The following CSPP1 variants were observed in gnomAD, a reference collection of about 807,000 sequenced individuals.
CSPP1 encodes centrosome and spindle pole associated protein 1, also known as centrosome and spindle pole-associated protein 1.
CSPP1 carries 126 observed loss-of-function variants against 164.4 expected under a neutral mutation model. The observed-to-expected ratio is 0.77, with a 90% confidence interval of 0.66 to 0.89. The LOEUF is 0.89. Among genes scored for constraint, CSPP1 ranks in the 40% least tolerant of loss-of-function variants. The pLI, the probability that CSPP1 is intolerant of heterozygous loss-of-function variation, is 0.00. For synonymous variants in CSPP1, 472 were observed against 476.7 expected, an observed-to-expected ratio of 0.99 and a Z score of 0.13; for missense variants, 1,395 against 1,449.8, an observed-to-expected ratio of 0.96 and a Z score of 0.61.
At chr8:67,174,654 A>G (rs531228075) in intron 25 of CSPP1, 27 of 152,524 alleles carry the variant, frequency 1.8e-4, no homozygotes, top group African/African-American at 6.0e-4. Flanking sequence ...AGTCCCAGCT[A>G]CTTGGGAGAC....
chr8:67,114,657 T>C (rs1168161956), intron 12 of CSPP1: 1 of 152,212 alleles, frequency 6.6e-6, no homozygotes, highest in Non-Finnish European at 1.5e-5. Flanking sequence ...TGATAAATCA[T>C]TCCTGATAAG....
chr8:67,134,583 G>A (rs1586396324), intron 16 of CSPP1: 2 of 138,828 alleles, frequency 1.4e-5, no homozygotes, highest in East Asian at 2.1e-4. Flanking sequence ...TTTTAAAGAC[G>A]GAGTCTCACA....
At chr8:67,110,853 C>CTGT (rs57306340) in intron 9 of CSPP1, among the ~76,000 whole-genome samples, 11,842 of 151,694 alleles carry the variant, frequency 0.078, 897 homozygotes, top group African/African-American at 0.2. Flanking sequence ...TCTAATGTTT[C>CTGT]TGTTGTTGTT....
intron 15 of CSPP1, among the ~76,000 whole-genome samples, chr8:67,125,481 A>G (rs932046514): frequency 1.3e-5 from 2 of 151,858 alleles, no homozygotes; most frequent in Non-Finnish European, 2.9e-5. Flanking sequence ...GTAGATTAAT[A>G]TTTTTCATCT....
In CSPP1 at chr8:67,195,453, G is replaced by A. The variant is rs755185914; in HGVS notation, c.3541G>A (p.Ala1181Thr). The change falls in exon 31 of 31, where the codon GCA becomes ACA. Residue 1181 changes from alanine to threonine, a missense_variant. By Grantham distance (58) the Ala-to-Thr change is moderately conservative. Transcript: ENST00000678616. ...HIGDDGSNSV[A>T]TEPWLRPGTS... ...AGGGGATGACGGATCAAACTCTGTAGCAACTGAGCCCTGGCTCCGCCCTGG... is the reference window on the plus strand; with the variant it reads ...AGGGGATGACGGATCAAACTCTGTAACAACTGAGCCCTGGCTCCGCCCTGG... The A allele has an allele frequency of 6.2e-7, 1 of 1,614,148 alleles. No individual in the cohort carries two copies. The highest frequency in any genetic ancestry group is 8.5e-7 in the Non-Finnish European group (1 of 1,179,984).
intron 3 of CSPP1, among the ~76,000 whole-genome samples, chr8:67,077,588 G>A (rs993478571): frequency 5.9e-5 from 9 of 152,174 alleles, no homozygotes; most frequent in Non-Finnish European, 1.2e-4. Flanking sequence ...CTGCCTGCCC[G>A]CCTCGGCCTC....
chr8:67,180,335 A>T (rs1055106561), intron 28 of CSPP1, among the ~76,000 whole-genome samples: 2 of 152,244 alleles, frequency 1.3e-5, no homozygotes, highest in African/African-American at 4.8e-5. Flanking sequence ...AGACAATCCC[A>T]ATAAGTTACA....
At chr8:67,099,571 T>C (rs1311147860) in intron 7 of CSPP1, 1 of 152,182 alleles carries the variant, frequency 6.6e-6, no homozygotes, top group Non-Finnish European at 1.5e-5. Context: ...ATCATCTGTC[T>C]GTTTTCCTTT....
At chr8:67,163,307 G>A (rs1681517759) in intron 22 of CSPP1, among the ~76,000 whole-genome samples, 1 of 152,134 alleles carries the variant, frequency 6.6e-6, no homozygotes, top group East Asian at 1.9e-4. Flanking sequence ...AGGACAGAAT[G>A]GACAGGAGAC....
chr8:67,195,429 G>A lies in CSPP1; in HGVS notation c.3517G>A (p.Gly1173Arg), dbSNP rs2129576639. The A allele has an allele frequency of 3.1e-6, 5 of 1,614,194 alleles. No homozygotes were observed. Among genetic ancestry groups the A allele is most frequent in the Non-Finnish European group, 4.2e-6 (5 of 1,180,020 alleles). Reference sequence around the variant, plus strand: ...CCCTGATGACATCATGAAACACATAGGGGATGACGGATCAAACTCTGTAGC... The same window carrying A: ...CCCTGATGACATCATGAAACACATAAGGGATGACGGATCAAACTCTGTAGC... ...VDPDDIMKHI[G>R]DDGSNSVATE... The change falls in exon 31 of 31, where the codon GGG (glycine) becomes AGG (arginine). Residue 1173 changes from glycine (G) to arginine (R), a missense_variant. By Grantham distance (125) the Gly-to-Arg change is moderately radical. Coordinates refer to ENST00000678616, the MANE Select transcript of CSPP1 (RefSeq NM_001382391.1).
chr8:67,067,301 G>A (rs967695587), intron 1 of CSPP1, among the ~76,000 whole-genome samples: 1 of 152,190 alleles, frequency 6.6e-6, no homozygotes, highest in Non-Finnish European at 1.5e-5. Flanking sequence ...TTAGCAGAAT[G>A]GGTATGCTCT....
intron 28 of CSPP1, among the ~76,000 whole-genome samples, chr8:67,189,279 G>C (rs554380171): frequency 1.3e-5 from 2 of 152,232 alleles, no homozygotes; most frequent in South Asian, 4.1e-4. Context: ...TTGCCTAAGG[G>C]AGCTGAAAAC....
intron 3 of CSPP1, among the ~76,000 whole-genome samples, chr8:67,085,745 T>C (rs945693246): frequency 4.6e-5 from 7 of 152,188 alleles, no homozygotes; most frequent in African/African-American, 1.7e-4. Context: ...ATTATCTGCA[T>C]GGAGACAAGA....
chr8:67,191,178 T>C (rs774376454), intron 29 of CSPP1, among the ~76,000 whole-genome samples: 5 of 152,236 alleles, frequency 3.3e-5, no homozygotes, highest in East Asian at 1.9e-4. Context: ...TTCAAACCCA[T>C]GTTCTCCTCA....
intron 3 of CSPP1, among the ~76,000 whole-genome samples, chr8:67,083,377 C>T (rs1013100139): frequency 6.6e-6 from 1 of 151,008 alleles, no homozygotes; most frequent in Non-Finnish European, 1.5e-5. Context: ...ACTAAAAATA[C>T]AAAAATTAGC....
At chr8:67,139,392 G>C (rs964530968) in intron 17 of CSPP1, among the ~76,000 whole-genome samples, 5 of 152,034 alleles carry the variant, frequency 3.3e-5, no homozygotes, top group African/African-American at 1.2e-4. Context: ...TACACTGTTG[G>C]TGGGACTGTA....
At chr8:67,112,562 G>C (rs1817079883) in intron 10 of CSPP1, among the ~76,000 whole-genome samples, 1 of 151,972 alleles carries the variant, frequency 6.6e-6, no homozygotes, top group South Asian at 2.1e-4. Context: ...ATCTCACTAT[G>C]ACTTGGATTC....
chr8:67,103,261 T>C (rs1181621887), intron 8 of CSPP1, 126 bp downstream of exon 8: 6 of 596,136 alleles, frequency 1.0e-5, no homozygotes, highest in Non-Finnish European at 1.8e-5. Flanking sequence ...TAGTGAGAAG[T>C]GAATTAAAGG....
chr8:67,137,446 T>C lies in CSPP1; in HGVS notation c.1828-10T>C, dbSNP rs773777231. The C allele has an allele frequency of 2.0e-6, 3 of 1,470,720 alleles. No individual in the cohort carries two copies. Among genetic ancestry groups the C allele is most frequent in the East Asian group, 4.7e-5 (2 of 42,246 alleles). The allele number at this position is 1,470,720 out of a possible 1,614,324, so 91.1% of individuals were successfully genotyped here. The stretch of plus-strand genomic sequence containing the variant: ...CAGCGTTTATTTTAAATATATCTTA[T>C]GTTGTCAAGATTCGGGAAAGAGAAG... On this transcript the variant is annotated splice_polypyrimidine_tract_variant and intron_variant, in intron 16 of 30. Coordinates refer to ENST00000678616, the MANE Select transcript of CSPP1 (RefSeq NM_001382391.1).
Sources: gnomAD v4.1 joint callset for allele counts (sites outside exome capture counted in the v4.1 genomes callset) on GRCh38, gnomAD v4.1.1 for gene constraint, MANE v1.5 for transcripts, NCBI Gene and HGNC (gene_info 2026-07-23, HGNC 2026-07-21) for gene names.